The following GNAI3 variants were observed in gnomAD, a reference collection of about 807,000 sequenced individuals.
The protein encoded by GNAI3 is guanine nucleotide-binding protein G(i) subunit alpha-3.
A neutral mutation model predicts 41.8 loss-of-function variants in GNAI3; 12 were observed. The ratio of observed to expected loss-of-function variants is 0.29; its 90% CI spans 0.18 to 0.47. The LOEUF (loss-of-function observed/expected upper bound fraction) is 0.47, where lower values mean the gene tolerates loss of function less well. Ranked by LOEUF, GNAI3 falls within the 20% of genes least tolerant of loss-of-function variation. GNAI3 has a pLI of 1.00. For missense variants in GNAI3, 360 were observed against 429.6 expected, an observed-to-expected ratio of 0.84 and a Z score of 1.43; for synonymous variants, 132 against 146.5, an observed-to-expected ratio of 0.90 and a Z score of 0.71.
Position 109,598,864 on chromosome 1 carries a change from C to T in GNAI3, c.*6542C>T, listed in dbSNP as rs376825869. On this transcript the variant is annotated 3_prime_UTR_variant, in exon 9 of 9. Coordinates refer to ENST00000369851, the MANE Select transcript of GNAI3 (RefSeq NM_006496.4). ...ACACTTGCAGTCCCTGGCCCAACACCGAAATCCTTCTGGAATCTGTGCTCT... is the reference window on the plus strand; with the variant it reads ...ACACTTGCAGTCCCTGGCCCAACACTGAAATCCTTCTGGAATCTGTGCTCT... 2.6e-5 allele frequency: 14 copies of T among 533,804 alleles called. No homozygotes were observed. Among genetic ancestry groups the T allele is most frequent in the East Asian group, 1.1e-4 (2 of 18,350 alleles). 33.1% of individuals were successfully genotyped at this position (533,804 alleles called of 1,614,324 possible). A position where few individuals can be genotyped will look rare whatever the true frequency, so the allele number is the denominator to read the frequency against.
At chr1:109,578,816 A>G (rs1458393220) in intron 3 of GNAI3, among the ~76,000 whole-genome samples, 1 of 152,040 alleles carries the variant, frequency 6.6e-6, no homozygotes, top group African/African-American at 2.4e-5. Flanking sequence ...TTTTATTTCT[A>G]TTTTTAGTGT....
At chr1:109,552,163 C>CA (rs139490303) in intron 1 of GNAI3, among the ~76,000 whole-genome samples, 2,511 of 111,348 alleles carry the variant, frequency 0.023, 32 homozygotes, top group South Asian at 0.065. Context: ...CTCTTTGTCT[C>CA]AAAAAAAAAA....
At chr1:109,578,135 T>C (rs955630650) in intron 3 of GNAI3, among the ~76,000 whole-genome samples, 1 of 152,076 alleles carries the variant, frequency 6.6e-6, no homozygotes, top group African/African-American at 2.4e-5. Flanking sequence ...TTCTGTCCTC[T>C]CCCTCACATA....
intron 1 of GNAI3, among the ~76,000 whole-genome samples, chr1:109,571,875 G>GC (rs2101099545): frequency 6.6e-6 from 1 of 151,304 alleles, no homozygotes; most frequent in South Asian, 2.1e-4. Context: ...CCAAGATTGC[G>GC]CCACTGCACT....
At position 109,599,713 on chromosome 1, in the gene GNAI3, T is replaced by C. The variant is rs760341589; in HGVS notation, c.*7391T>C. ...ACTTAGTTATATTTTTGTGATTTTATGCTGTTTTCATATTCTATTTTGAGA... is the reference window on the plus strand; with the variant it reads ...ACTTAGTTATATTTTTGTGATTTTACGCTGTTTTCATATTCTATTTTGAGA... On this transcript the variant is annotated 3_prime_UTR_variant, in exon 9 of 9. Transcript: ENST00000369851. The C allele has an allele frequency of 1.3e-5, 2 of 152,256 alleles. No individual in the cohort carries two copies. The highest frequency in any genetic ancestry group is 2.9e-5 in the Non-Finnish European group (2 of 68,044). 9.4% of individuals were successfully genotyped at this position (152,256 alleles called of 1,614,324 possible).
At chr1:109,573,333 G>GTA (rs1248564443) in intron 1 of GNAI3, among the ~76,000 whole-genome samples, 1 of 152,102 alleles carries the variant, frequency 6.6e-6, no homozygotes, top group Non-Finnish European at 1.5e-5. Context: ...CATTTCTGTG[G>GTA]TATAGGCAGG....
chr1:109,558,241 G>A (rs1295797535), intron 1 of GNAI3, among the ~76,000 whole-genome samples: 1 of 152,046 alleles, frequency 6.6e-6, no homozygotes, highest in Non-Finnish European at 1.5e-5. Context: ...TGGCCAACAT[G>A]GTGAAGCCCC....
intron 1 of GNAI3, among the ~76,000 whole-genome samples, chr1:109,555,963 C>CGTGCGTGTGTGTGTGTGT (rs1163257606): frequency 2.8e-5 from 4 of 144,528 alleles, no homozygotes; most frequent in African/African-American, 2.6e-5. Flanking sequence ...TGCGTGCGTG[C>CGTGCGTGTGTGTGTGTGT]GTGTGTGTGT....
intron 1 of GNAI3, among the ~76,000 whole-genome samples, chr1:109,556,790 AT>A (rs1648166185): frequency 6.6e-6 from 1 of 152,236 alleles, no homozygotes; most frequent in African/African-American, 2.4e-5. Context: ...TGACTCAGTC[AT>A]TACTAGATTC....
chr1:109,571,248 G>T (rs1363615612), intron 1 of GNAI3, among the ~76,000 whole-genome samples: 2 of 152,114 alleles, frequency 1.3e-5, no homozygotes, highest in African/African-American at 4.8e-5. Flanking sequence ...TTAGGTTTGT[G>T]AAATCTAAAT....
At chr1:109,578,092 A>T (rs1332216921) in intron 3 of GNAI3, among the ~76,000 whole-genome samples, 1 of 152,206 alleles carries the variant, frequency 6.6e-6, no homozygotes, top group Non-Finnish European at 1.5e-5. Flanking sequence ...GATGGATAGA[A>T]TAAAGGAAAA....
chr1:109,583,949 T>C (rs1432957120), intron 5 of GNAI3, among the ~76,000 whole-genome samples: 1 of 152,226 alleles, frequency 6.6e-6, no homozygotes, highest in Admixed American at 6.5e-5. Context: ...CTTTTATAAA[T>C]ATTAGAAATG....
At position 109,550,313 on chromosome 1, in the gene GNAI3, G is replaced by A. The variant is rs1472599357; in HGVS notation, c.118+1475G>A. On this transcript the variant is annotated intron_variant, in intron 1 of 8. Coordinates refer to ENST00000369851, the MANE Select transcript of GNAI3 (RefSeq NM_006496.4). ...TATAAAGGGAAAGTTATGTATTGGA[G>A]CTTAAGGTTCCGGTTTGTATACCTG... Among the ~76,000 whole-genome samples the A allele has an allele frequency of 2.0e-5, 3 of 152,164 alleles. No homozygotes were observed. The East Asian group carries it at 5.8e-4, about 29-fold the overall frequency.
chr1:109,565,686 G>A (rs1045990931), intron 1 of GNAI3, among the ~76,000 whole-genome samples: 1 of 152,120 alleles, frequency 6.6e-6, no homozygotes, highest in African/African-American at 2.4e-5. Flanking sequence ...TTGGCGGGGG[G>A]TGCACAAAAA....
intron 1 of GNAI3, among the ~76,000 whole-genome samples, chr1:109,554,611 G>T (rs1237913936): frequency 5.3e-5 from 8 of 152,114 alleles, no homozygotes; most frequent in African/African-American, 1.4e-4. Context: ...CTGGATATTA[G>T]TCCTTTGTCA....
intron 1 of GNAI3, among the ~76,000 whole-genome samples, chr1:109,556,121 A>C (rs190144746): frequency 5.0e-4 from 76 of 151,726 alleles, no homozygotes; most frequent in African/African-American, 1.7e-3. Flanking sequence ...AACCTCTGCA[A>C]CATCACTGCA....
In GNAI3 at chr1:109,586,853, C is replaced by T. The variant is rs755438174; in HGVS notation, c.845C>T (p.Pro282Leu). The T allele has an allele frequency of 1.2e-5, 20 of 1,601,010 alleles. No individual in the cohort carries two copies. Among genetic ancestry groups the T allele is most frequent in the Admixed American group, 1.2e-4 (7 of 59,870 alleles). The change falls in exon 7 of 9, where the codon CCG becomes CTG. Residue 282 changes from proline (P) to leucine (L), a missense_variant. Transcript: ENST00000369851. ...TTTGAGGAAAAAATAAAGAGGAGTCCGTTAACTATCTGTTATCCAGAATAC... is the reference window on the plus strand; with the variant it reads ...TTTGAGGAAAAAATAAAGAGGAGTCTGTTAACTATCTGTTATCCAGAATAC... ...DLFEEKIKRS[P>L]LTICYPEYTG...
chr1:109,583,258 A>G (rs72987038), intron 5 of GNAI3, among the ~76,000 whole-genome samples: 8,487 of 152,192 alleles, frequency 0.056, 781 homozygotes, highest in African/African-American at 0.19. Context: ...CGTCCAAGCT[A>G]GAGTGGAGTA....
intron 7 of GNAI3, among the ~76,000 whole-genome samples, chr1:109,589,747 A>G (rs1290029198): frequency 1.3e-5 from 2 of 152,238 alleles, no homozygotes; most frequent in African/African-American, 4.8e-5. Context: ...CTTCTATTAT[A>G]TGATATATCC....
Sources: allele counts gnomAD v4.1 joint callset (sites outside exome capture counted in the v4.1 genomes callset), GRCh38; gene constraint gnomAD v4.1.1; transcripts MANE v1.5; gene names NCBI Gene and HGNC (gene_info 2026-07-23, HGNC 2026-07-21).